POLE: variants seen among roughly 807,000 people sequenced by gnomAD.
POLE encodes DNA polymerase epsilon catalytic subunit A.
Under a neutral mutation model 279.2 loss-of-function variants are expected in POLE, and 188 were observed. The ratio of observed to expected loss-of-function variants is 0.67; its 90% CI spans 0.60 to 0.76. POLE has a LOEUF of 0.76. Among genes scored for constraint, POLE ranks in the 30% least tolerant of loss-of-function variants. The pLI is 0.00. For synonymous variants in POLE, 1,214 were observed against 1,172.5 expected, an observed-to-expected ratio of 1.04 and a Z score of -0.72; for missense variants, 2,703 against 3,016.7, an observed-to-expected ratio of 0.90 and a Z score of 2.44.
intron 29 of POLE, among the ~76,000 whole-genome samples, chr12:132,654,907 C>G (rs923133618): frequency 6.6e-6 from 1 of 152,134 alleles, no homozygotes; most frequent in Non-Finnish European, 1.5e-5. Context: ...TCTTTTCTTT[C>G]TTGAGTTGGG....
chr12:132,646,503 T>C (rs2042286966), intron 32 of POLE, among the ~76,000 whole-genome samples: 1 of 150,058 alleles, frequency 6.7e-6, no homozygotes, highest in Non-Finnish European at 1.5e-5. Flanking sequence ...AACATCATTT[T>C]GTTCAACATT....
At chr12:132,676,714 A>T (rs2043063221) in intron 8 of POLE, 61 bp from the exon 9 acceptor site, 1 of 1,012,736 alleles carries the variant, frequency 9.9e-7, no homozygotes, top group Non-Finnish European at 1.6e-6. Flanking sequence ...CTCCCTGAAC[A>T]CCCACCCCCA....
At position 132,637,989 on chromosome 12, in the gene POLE, C is replaced by T. The variant is rs369131051; in HGVS notation, c.5678+25G>A. 60 of 1,612,348 alleles carry T rather than the reference C, an allele frequency of 3.7e-5. No individual in the cohort carries two copies. In the African/African-American group the frequency reaches 6.4e-4, roughly 17 times the overall value. ...CATCCCTCTCAAAGCCACAGTGCTGCGTCACCAGGACCAGCCAGCCGCACC... is the reference window on the plus strand; with the variant it reads ...CATCCCTCTCAAAGCCACAGTGCTGTGTCACCAGGACCAGCCAGCCGCACC... On this transcript the variant is annotated intron_variant, in intron 41 of 48. Coordinates refer to ENST00000320574, the MANE Select transcript of POLE (RefSeq NM_006231.4).
Position 132,664,062 on chromosome 12 carries a change from A to G in POLE, c.2648T>C (p.Val883Ala), listed in dbSNP as rs1555226430. The change falls in exon 23 of 49, where the codon GTG becomes GCG. Residue 883 changes from valine (V) to alanine (A), a missense_variant. Val to Ala is a moderately conservative substitution (Grantham distance 64). This residue lies in a region of POLE where 101 missense variants were observed against 115.4 expected (regional missense o/e 0.87). Coordinates refer to ENST00000320574, the MANE Select transcript of POLE (RefSeq NM_006231.4). This position sits in a 1 kb window ranked among gnomAD's most constrained non-coding sequence, Gnocchi z 5.3. ...GGAGATGGTCACTTTGGGCTTCTTC[A>G]CATTGGTCGTCTTGAAGACAAAATT... ...PENFVFKTTNVKKPKVTISYP... is the reference protein window; with the variant it reads ...PENFVFKTTNAKKPKVTISYP... 1.2e-6 allele frequency: 2 copies of G among 1,614,228 alleles called. No individual in the cohort carries two copies. The highest frequency in any genetic ancestry group is 1.7e-6 in the Non-Finnish European group (2 of 1,180,022).
Position 132,681,215 on chromosome 12 carries a change from T to C in POLE, c.127A>G (p.Lys43Glu), listed in dbSNP as rs2043160442. The C allele has an allele frequency of 1.9e-6, 3 of 1,614,216 alleles. No homozygotes were observed. Among genetic ancestry groups the C allele is most frequent in the Non-Finnish European group, 2.5e-6 (3 of 1,180,040 alleles). The change falls in exon 2 of 49, where the codon AAG (lysine) becomes GAG (glutamate). Residue 43 changes from lysine (K) to glutamate (E), a missense_variant. This residue lies in a region of POLE where 1,011 missense variants were observed against 1,111.7 expected (regional missense o/e 0.91). Transcript: ENST00000320574. ...KRLERSQWTD[K>E]MDLRFGFERL... Reference sequence around the variant, plus strand: ...TCAAAACCAAACCGCAAATCCATCTTATCCGTCCACTGACTCCGTTCCAGG... The same window carrying C: ...TCAAAACCAAACCGCAAATCCATCTCATCCGTCCACTGACTCCGTTCCAGG...
At chr12:132,676,518 G>C (rs2136015167) in intron 9 of POLE, 28 bp downstream of exon 9, 1 of 1,411,772 alleles carries the variant, frequency 7.1e-7, no homozygotes, top group Non-Finnish European at 1.0e-6. Context: ...CATCCCAGGA[G>C]CTTACTTCCC....
At chr12:132,667,106 G>A (rs1263141281) in intron 20 of POLE, among the ~76,000 whole-genome samples, 1 of 152,166 alleles carries the variant, frequency 6.6e-6, no homozygotes, top group Non-Finnish European at 1.5e-5. Flanking sequence ...ACGAGGGGCC[G>A]GATGGTGAAT....
At position 132,624,590 on chromosome 12, in the gene POLE, T is replaced by A; in HGVS notation, c.*107A>T. ...CGTTCCCTGGCCTGGGGTCACAGGTTTGGACAGTCAGGGTGGTCAGTGGTC... is the reference window on the plus strand; with the variant it reads ...CGTTCCCTGGCCTGGGGTCACAGGTATGGACAGTCAGGGTGGTCAGTGGTC... On this transcript the variant is annotated 3_prime_UTR_variant, in exon 49 of 49. Coordinates refer to ENST00000320574, the MANE Select transcript of POLE (RefSeq NM_006231.4). 1 of 774,634 alleles carries A rather than the reference T, an allele frequency of 1.3e-6. No homozygotes were observed. Among genetic ancestry groups the A allele is most frequent in the Non-Finnish European group, 2.4e-6 (1 of 422,408 alleles). The allele number at this position is 774,634 out of a possible 1,614,324, so 48.0% of individuals were successfully genotyped here. A position where few individuals can be genotyped will look rare whatever the true frequency, so the allele number is the denominator to read the frequency against.
chr12:132,634,218 G>A lies in POLE; in HGVS notation c.5972C>T (p.Ser1991Phe), dbSNP rs1593711899. Residue 1991 changes from serine to phenylalanine, a missense_variant, in exon 43 of 49, where the codon TCC (serine) becomes TTC (phenylalanine). Transcript: ENST00000320574. The surrounding 1 kb of genome is among the most constrained non-coding windows in gnomAD (Gnocchi z 4.0). ...AATCATGAGGAAGTAGTTCTGGCAG[G>A]AGGCTGCCTGTGGCAAAAACTGCAA... ...NILQFLPQAA[S>F]CQNYFLMIVS... The A allele has an allele frequency of 6.2e-7, 1 of 1,613,798 alleles. No individual in the cohort carries two copies. Among genetic ancestry groups the A allele is most frequent in the Non-Finnish European group, 8.5e-7 (1 of 1,179,736 alleles).
intron 45 of POLE, among the ~76,000 whole-genome samples, chr12:132,631,993 A>G (rs2041942562): frequency 6.6e-6 from 1 of 152,180 alleles, no homozygotes; most frequent in Admixed American, 6.5e-5. Context: ...CTGAGCACAG[A>G]TGCCGCAACT....
chr12:132,634,489 A>G lies in POLE; in HGVS notation c.5812-111T>C. 9.5e-7 allele frequency: 1 copy of G among 1,054,380 alleles called. No homozygotes were observed. The highest frequency in any genetic ancestry group is 1.5e-5 in the South Asian group (1 of 66,336). 65.3% of individuals were successfully genotyped at this position (1,054,380 alleles called of 1,614,324 possible). Reference sequence around the variant, plus strand: ...CTGGGTCCATCTGCCCCGTTTGACCAGAGGCCTTCCTCGCAGTCAAGGCAT... The same window carrying G: ...CTGGGTCCATCTGCCCCGTTTGACCGGAGGCCTTCCTCGCAGTCAAGGCAT... On this transcript the variant is annotated intron_variant, in intron 42 of 48. Coordinates refer to ENST00000320574, the MANE Select transcript of POLE (RefSeq NM_006231.4). The surrounding 1 kb of genome is among the most constrained non-coding windows in gnomAD (Gnocchi z 4.0).
Position 132,668,621 on chromosome 12 carries a change from C to A in POLE, c.2026+14G>T, listed in dbSNP as rs751509566. On this transcript the variant is annotated intron_variant, in intron 18 of 48. Transcript: ENST00000320574. This position sits in a 1 kb window ranked among gnomAD's most constrained non-coding sequence, Gnocchi z 4.0. ...GTTTCCCACCGAGTGCCCACCCAGG[C>A]GGCCGACACTCACTGAACTCGCCCC... 1 of 1,604,638 alleles carries A rather than the reference C, an allele frequency of 6.2e-7. No individual in the cohort carries two copies. The highest frequency in any genetic ancestry group is 1.7e-5 in the Admixed American group (1 of 59,824).
rs780605858 is a variant in POLE, at chr12:132,643,389, G to A, written c.4444+18C>T. On this transcript the variant is annotated intron_variant, in intron 34 of 48. Transcript: ENST00000320574. ...TGTGGGAGGCAGGCACATGATGGGC[G>A]GCTGGTGCAGGCCATACCTGGTTCC... The A allele has an allele frequency of 1.1e-4, 180 of 1,614,092 alleles. No individual in the cohort carries two copies. The highest frequency in any genetic ancestry group is 1.2e-4 in the Non-Finnish European group (140 of 1,180,046).
intron 1 of POLE, among the ~76,000 whole-genome samples, chr12:132,682,954 A>G (rs562052322): frequency 6.4e-4 from 97 of 152,212 alleles, no homozygotes; most frequent in Non-Finnish European, 1.1e-3. Flanking sequence ...CTCCGTCTAA[A>G]AAAAAAATAA....
At position 132,664,455 on chromosome 12, in the gene POLE, A is replaced by G; in HGVS notation, c.2476T>C (p.Trp826Arg). 6.2e-7 allele frequency: 1 copy of G among 1,613,870 alleles called. No individual in the cohort carries two copies. Among genetic ancestry groups the G allele is most frequent in the Non-Finnish European group, 8.5e-7 (1 of 1,179,928 alleles). ...YGYVMRKGAR[W>R]YSMEMAGIVC... is the part of the protein sequence containing the mutation. ...ATGCCAGCCATCTCCATGGAGTACC[A>G]GCGAGCCCTGAGAGGACACCACAAA... The change falls in exon 22 of 49, where the codon TGG becomes CGG. Residue 826 changes from tryptophan to arginine, a missense_variant. By Grantham distance (101) the Trp-to-Arg change is moderately radical (BLOSUM62 -3). Coordinates refer to ENST00000320574, the MANE Select transcript of POLE (RefSeq NM_006231.4). The surrounding 1 kb of genome is among the most constrained non-coding windows in gnomAD (Gnocchi z 5.3).
At chr12:132,665,279 C>T (rs748996423) in intron 21 of POLE, 23 bp downstream of exon 21, 2 of 1,608,856 alleles carry the variant, frequency 1.2e-6, no homozygotes, top group Middle Eastern at 1.7e-4. Flanking sequence ...CCATAAGCCT[C>T]TCCCGGGCCC....
At chr12:132,629,933 G>T (rs1393343245) in intron 45 of POLE, among the ~76,000 whole-genome samples, 1 of 152,154 alleles carries the variant, frequency 6.6e-6, no homozygotes, top group East Asian at 1.9e-4. Context: ...TGAACACGTA[G>T]AGGCCATTGC....
chr12:132,649,216 C>G (rs2042358746), intron 31 of POLE, 90 bp downstream of exon 31: 11 of 1,518,514 alleles, frequency 7.2e-6, no homozygotes, highest in Non-Finnish European at 9.9e-6. Context: ...CACTCTAACC[C>G]TCCCATCCCA....
At chr12:132,683,927 C>T (rs888908611) in intron 1 of POLE, among the ~76,000 whole-genome samples, 4 of 152,026 alleles carry the variant, frequency 2.6e-5, no homozygotes, top group African/African-American at 9.6e-5. Context: ...TATATCACAC[C>T]GTCCCAGTAC....
Sources: gnomAD v4.1 joint callset for allele counts (sites outside exome capture counted in the v4.1 genomes callset) on GRCh38, gnomAD v4.1.1 for gene constraint, gnomAD v4.1.1 regional missense constraint, Gnocchi (gnomAD v3.1) non-coding constraint, MANE v1.5 for transcripts, NCBI Gene and HGNC (gene_info 2026-07-23, HGNC 2026-07-21) for gene names.